Variants in SLC47A1 observed in about 807,000 individuals in gnomAD.
SLC47A1 encodes the protein multidrug and toxin extrusion protein 1.
In SLC47A1, 58 loss-of-function variants were observed where a neutral mutation model predicts 65.8. The ratio of observed to expected loss-of-function variants is 0.88; its 90% confidence interval spans 0.71 to 1.10. The LOEUF (loss-of-function observed/expected upper bound fraction) is 1.10. SLC47A1 is among the 50% of genes least tolerant of loss of function. SLC47A1 has a pLI of 0.00. For synonymous variants in SLC47A1, 285 were observed against 295.0 expected, an observed-to-expected ratio of 0.97 and a Z score of 0.35; for missense variants, 706 against 719.2, an observed-to-expected ratio of 0.98 and a Z score of 0.21.
intron 6 of SLC47A1, among the ~76,000 whole-genome samples, chr17:19,552,830 A>AAAGAGACTC (rs1916490223): frequency 6.6e-6 from 1 of 152,240 alleles, no homozygotes; most frequent in East Asian, 1.9e-4. Flanking sequence ...GGATGCAGTG[A>AAAGAGACTC]GATGATGGCA....
chr17:19,539,096 C>T (rs543321392), intron 1 of SLC47A1, among the ~76,000 whole-genome samples: 2 of 152,114 alleles, frequency 1.3e-5, no homozygotes, highest in East Asian at 1.9e-4. Flanking sequence ...TCTGTAGAGA[C>T]GGGGTCTCTA....
chr17:19,536,794 GT>G (rs1392810602), intron 1 of SLC47A1, among the ~76,000 whole-genome samples: 2 of 152,186 alleles, frequency 1.3e-5, no homozygotes, highest in Admixed American at 1.3e-4. Context: ...AAGATGCCCT[GT>G]CTGGCTCTCC....
intron 8 of SLC47A1, 45 bp from the exon 9 acceptor site, chr17:19,555,751 G>A (rs767614369): frequency 6.8e-6 from 11 of 1,613,326 alleles, no homozygotes; most frequent in Non-Finnish European, 8.5e-6. Context: ...TTGAGTTCCA[G>A]CCCGATGGCC....
Position 19,551,438 on chromosome 17 carries a change from T to A in SLC47A1, c.513T>A (p.Tyr171Ter). 1 of 1,609,526 alleles carries A rather than the reference T, an allele frequency of 6.2e-7. No individual in the cohort carries two copies. The highest frequency in any genetic ancestry group is 1.1e-5 in the South Asian group (1 of 91,002). Residue 171 changes from tyrosine (Y) to a stop codon, truncating the protein, a stop_gained, in exon 6 of 17, where the codon TAT becomes TAA. Coordinates refer to ENST00000270570, the MANE Select transcript of SLC47A1 (RefSeq NM_018242.3). LOFTEE classifies it high-confidence loss of function. ...FIPALPATFLYMLQVKYLLNQ... is the reference protein window; with the variant it reads ...FIPALPATFL ...TTCTCTTGTAGGCAACCTTTCTTTA[T>A]ATGTTACAAGTTAAATATTTGCTCA...
chr17:19,560,854 G>A (rs1427671673), intron 12 of SLC47A1, among the ~76,000 whole-genome samples: 1 of 150,294 alleles, frequency 6.7e-6, no homozygotes, highest in Admixed American at 6.6e-5. Context: ...ACTCCAGCCT[G>A]GGCAACAGAG....
intron 1 of SLC47A1, 43 bp downstream of exon 1, chr17:19,534,117 G>T: frequency 6.8e-7 from 1 of 1,479,556 alleles, no homozygotes. Flanking sequence ...CCGGCGGGCT[G>T]GGGACCTGGT....
At chr17:19,567,343 G>A (rs1369407387) in intron 14 of SLC47A1, 115 bp downstream of exon 14, 25 of 1,446,734 alleles carry the variant, frequency 1.7e-5, no homozygotes, top group Admixed American at 8.8e-5. Flanking sequence ...GCTCGCCCAC[G>A]TCCATTCTGT....
chr17:19,561,892 G>T (rs989723825), intron 12 of SLC47A1, among the ~76,000 whole-genome samples: 1 of 152,130 alleles, frequency 6.6e-6, no homozygotes, highest in Non-Finnish European at 1.5e-5. Context: ...CAAAGTGCCC[G>T]GTTTGTAGTA....
chr17:19,558,002 T>C, intron 10 of SLC47A1: 1 of 216,174 alleles, frequency 4.6e-6, no homozygotes, highest in Non-Finnish European at 9.5e-6. Flanking sequence ...GAATTTACAC[T>C]TGTATTTCTT....
At chr17:19,548,221 C>T in intron 4 of SLC47A1, 88 bp downstream of exon 4, 1 of 1,499,302 alleles carries the variant, frequency 6.7e-7, no homozygotes, top group Non-Finnish European at 9.0e-7. Flanking sequence ...AGGGACAAGG[C>T]TGCACACCAA....
At position 19,572,671 on chromosome 17, in the gene SLC47A1, A is replaced by G. The variant is rs1355559338; in HGVS notation, c.1405-109A>G. On this transcript the variant is annotated intron_variant, in intron 15 of 16. Coordinates refer to ENST00000270570, the MANE Select transcript of SLC47A1 (RefSeq NM_018242.3). ...CCTGTGAATGAGAGGAACTTCAGCT[A>G]TACATGCCAATTAAGGAAAATGGCT... is the stretch of plus-strand genomic sequence containing the variant. 6.3e-6 allele frequency: 6 copies of G among 948,402 alleles called. No homozygotes were observed. The South Asian group carries it at 8.2e-5, about 13-fold the overall frequency. 58.7% of individuals were successfully genotyped at this position (948,402 alleles called of 1,614,324 possible).
chr17:19,572,805 T>C lies in SLC47A1; in HGVS notation c.1430T>C (p.Val477Ala), dbSNP rs2152317652. 1.9e-6 allele frequency: 3 copies of C among 1,614,118 alleles called. No homozygotes were observed. The highest frequency in any genetic ancestry group is 2.5e-6 in the Non-Finnish European group (3 of 1,180,012). The change falls in exon 16 of 17, where the codon GTA becomes GCA. Residue 477 changes from valine to alanine, a missense_variant. Physicochemically the swap from Val to Ala is moderately conservative, Grantham distance 64. Coordinates refer to ENST00000270570, the MANE Select transcript of SLC47A1 (RefSeq NM_018242.3). ...GCTCAGGTACACGCCAATTTGAAAGTAAACAACGTGCCTCGGAGTGGGAAT... is the reference window on the plus strand; with the variant it reads ...GCTCAGGTACACGCCAATTTGAAAGCAAACAACGTGCCTCGGAGTGGGAAT... Reference protein sequence around the residue: ...QQAQVHANLKVNNVPRSGNSA... With the variant: ...QQAQVHANLKANNVPRSGNSA...
At chr17:19,545,378 G>C (rs1916259116) in intron 2 of SLC47A1, among the ~76,000 whole-genome samples, 1 of 152,118 alleles carries the variant, frequency 6.6e-6, no homozygotes, top group South Asian at 2.1e-4. Context: ...TATTTTAGTA[G>C]AGACTGGGTT....
intron 6 of SLC47A1, among the ~76,000 whole-genome samples, chr17:19,552,123 C>A (rs1319117390): frequency 3.3e-5 from 5 of 152,208 alleles, no homozygotes; most frequent in African/African-American, 1.2e-4. Context: ...CAGGCATGTG[C>A]AACAGGAAGG....
chr17:19,542,556 A>AG (rs1916176675), intron 2 of SLC47A1, 62 bp downstream of exon 2: 80 of 1,298,666 alleles, frequency 6.2e-5, no homozygotes, highest in Non-Finnish European at 8.6e-6. Flanking sequence ...TGCTGCTACT[A>AG]TAACAAATCA....
At chr17:19,577,295 T>C in intron 16 of SLC47A1, 32 bp from the exon 17 acceptor site, 1 of 1,607,378 alleles carries the variant, frequency 6.2e-7, no homozygotes, top group Non-Finnish European at 8.5e-7. Context: ...AAAAAATCCC[T>C]TTTAAGCTGC....
At chr17:19,561,801 C>G (rs1160569676) in intron 12 of SLC47A1, among the ~76,000 whole-genome samples, 1 of 152,096 alleles carries the variant, frequency 6.6e-6, no homozygotes, top group Non-Finnish European at 1.5e-5. Context: ...GTGGAAACCC[C>G]TTTTTAGTAC....
rs1915912389 is a variant in SLC47A1, at chr17:19,533,864, T to G, written c.-76T>G. ...CACTGCGCGGTACCCACTGCCGGCC[T>G]GCGCGGTACTCACTGCCGGCCTCCG... On this transcript the variant is annotated 5_prime_UTR_variant, in exon 1 of 17. Transcript: ENST00000270570. 7.3e-7 allele frequency: 1 copy of G among 1,376,178 alleles called. No homozygotes were observed. Among genetic ancestry groups the G allele is most frequent in the Non-Finnish European group, 9.4e-7 (1 of 1,065,766 alleles). 85.2% of individuals were successfully genotyped at this position (1,376,178 alleles called of 1,614,324 possible).
At position 19,578,065 on chromosome 17, in the gene SLC47A1, C is replaced by T; in HGVS notation, c.*512C>T. The T allele has an allele frequency of 1.1e-6, 1 of 929,066 alleles. No individual in the cohort carries two copies. Among genetic ancestry groups the T allele is most frequent in the Non-Finnish European group, 1.5e-6 (1 of 660,524 alleles). The allele number at this position is 929,066 out of a possible 1,614,324, so 57.6% of individuals were successfully genotyped here. On this transcript the variant is annotated 3_prime_UTR_variant, in exon 17 of 17. Coordinates refer to ENST00000270570, the MANE Select transcript of SLC47A1 (RefSeq NM_018242.3). Reference sequence around the variant, plus strand: ...TGGTGCGATCATAGCTCACTGCAGCCTCGAACTCTTGGGCTTCAAGCAATC... The same window carrying T: ...TGGTGCGATCATAGCTCACTGCAGCTTCGAACTCTTGGGCTTCAAGCAATC...
Sources: allele counts gnomAD v4.1 joint callset (sites outside exome capture counted in the v4.1 genomes callset), GRCh38; gene constraint gnomAD v4.1.1; transcripts MANE v1.5; gene names NCBI Gene and HGNC (gene_info 2026-07-23, HGNC 2026-07-21).